Variants in TUBAL3 observed in about 807,000 individuals in gnomAD.
The protein encoded by TUBAL3 is tubulin alpha chain-like 3.
A neutral mutation model predicts 15.5 loss-of-function variants in TUBAL3; 16 were observed. The ratio of observed to expected loss-of-function variants is 1.04; its 90% confidence interval spans 0.70 to 1.57. TUBAL3 has a LOEUF of 1.57. Among genes scored for constraint, TUBAL3 ranks in the 40% most tolerant of loss-of-function variants. The pLI, the probability that TUBAL3 is intolerant of heterozygous loss-of-function variation, is 0.00. For missense variants in TUBAL3, 609 were observed against 576.2 expected (o/e 1.06, Z -0.58); for synonymous variants, 238 against 224.3 (o/e 1.06, Z -0.55).
In TUBAL3 at chr10:5,397,008, C is replaced by G. The variant is rs986789164; in HGVS notation, c.248-1533G>C. 6.6e-6 allele frequency among the ~76,000 whole-genome samples: 1 copy of G among 152,124 alleles called. No homozygotes were observed. The highest frequency in any genetic ancestry group is 1.5e-5 in the Non-Finnish European group (1 of 68,022). On this transcript the variant is annotated intron_variant, in intron 2 of 3. Transcript: ENST00000380419. This position sits in a 1 kb window ranked among gnomAD's most constrained non-coding sequence, Gnocchi z 4.9. ...CAAGATCTACCCCATTGAGCTGTTA[C>G]GAGAACATAGGGCACAACGCACGGC... is the stretch of plus-strand genomic sequence containing the variant.
In TUBAL3 at chr10:5,395,679, G is replaced by C. The variant is rs1396613780; in HGVS notation, c.248-204C>G. On this transcript the variant is annotated intron_variant, in intron 2 of 3. Transcript: ENST00000380419. This position sits in a 1 kb window ranked among gnomAD's most constrained non-coding sequence, Gnocchi z 4.6. ...TTTTTTACATATACATGGAAAGTAT[G>C]TTTTTCTACCATGCACCCCTTATTA... 6.6e-6 allele frequency among the ~76,000 whole-genome samples: 1 copy of C among 152,174 alleles called. No individual in the cohort carries two copies. The highest frequency in any genetic ancestry group is 1.9e-4 in the East Asian group (1 of 5,200).
chr10:5,404,089 A>T (rs1312899917), intron 1 of TUBAL3, among the ~76,000 whole-genome samples: 1 of 152,234 alleles, frequency 6.6e-6, no homozygotes, highest in Admixed American at 6.5e-5. Context: ...TCATGTTGAA[A>T]GGCATAATTT....
In TUBAL3 at chr10:5,394,280, T is replaced by A; in HGVS notation, c.578A>T (p.Asn193Ile). 1 of 1,613,990 alleles carries A rather than the reference T, an allele frequency of 6.2e-7. No individual in the cohort carries two copies. The highest frequency in any genetic ancestry group is 1.3e-5 in the African/African-American group (1 of 74,958). ...GGTGGAGTGGGTGGTGAGGACAGAG[T>A]TATAAGGCTCTACCACAGCAGTGGA... Reference protein sequence around the residue: ...RISTAVVEPYNSVLTTHSTTE... With the variant: ...RISTAVVEPYISVLTTHSTTE... Residue 193 changes from asparagine to isoleucine, a missense_variant, in exon 4 of 4, where the codon AAC (asparagine) becomes ATC (isoleucine). Coordinates refer to ENST00000380419, the MANE Select transcript of TUBAL3 (RefSeq NM_024803.3). This position sits in a 1 kb window ranked among gnomAD's most constrained non-coding sequence, Gnocchi z 4.3.
chr10:5,393,894 A>C lies in TUBAL3; in HGVS notation c.964T>G (p.Cys322Gly), dbSNP rs782762172. ...ACATCCCCTCTATAGAGTAGGCAGC[A>C]GGCCATGTACTTCCCAAGCCGAGGA... ...CDPRLGKYMA[C>G]CLLYRGDVVP... Residue 322 changes from cysteine (C) to glycine (G), a missense_variant, in exon 4 of 4, where the codon TGC becomes GGC. Cys to Gly is a radical substitution (Grantham distance 159). Coordinates refer to ENST00000380419, the MANE Select transcript of TUBAL3 (RefSeq NM_024803.3). 28 of 1,614,150 alleles carry C rather than the reference A, an allele frequency of 1.7e-5. No individual in the cohort carries two copies. The highest frequency in any genetic ancestry group is 2.0e-5 in the Non-Finnish European group (24 of 1,180,062).
At position 5,393,404 on chromosome 10, in the gene TUBAL3, G is replaced by C. The variant is rs781842853; in HGVS notation, c.*113C>G. On this transcript the variant is annotated 3_prime_UTR_variant, in exon 4 of 4. Coordinates refer to ENST00000380419, the MANE Select transcript of TUBAL3 (RefSeq NM_024803.3). ...TAGTGTGGAACCTAGAGTCTTGCCT[G>C]ATTTGAGTTCATTTTTCTGCTCATC... is the stretch of plus-strand genomic sequence containing the variant. 3.3e-6 allele frequency: 3 copies of C among 909,284 alleles called. No homozygotes were observed. Among genetic ancestry groups the C allele is most frequent in the South Asian group, 3.5e-5 (2 of 56,946 alleles). 56.3% of individuals were successfully genotyped at this position (909,284 alleles called of 1,614,324 possible).
In TUBAL3 at chr10:5,393,769, G is replaced by T; in HGVS notation, c.1089C>A (p.Asn363Lys). The T allele has an allele frequency of 1.2e-6, 2 of 1,614,232 alleles. No individual in the cohort carries two copies. Among genetic ancestry groups the T allele is most frequent in the Non-Finnish European group, 1.7e-6 (2 of 1,180,042 alleles). The stretch of plus-strand genomic sequence containing the variant: ...CCGGCATCACCGTGGGCGGCCGATT[G>T]TTGATGCCCACCTTGAAACCAGTTG... ...WCPTGFKVGI[N>K]NRPPTVMPGG... Residue 363 changes from asparagine to lysine, a missense_variant, in exon 4 of 4, where the codon AAC becomes AAA. Transcript: ENST00000380419.
chr10:5,398,451 T>C (rs1831799293), intron 2 of TUBAL3, among the ~76,000 whole-genome samples: 1 of 139,666 alleles, frequency 7.2e-6, no homozygotes, highest in South Asian at 2.3e-4. Flanking sequence ...AAAAAAAACT[T>C]ATCCACATGT....
Position 5,400,955 on chromosome 10 carries a change from T to C in TUBAL3, c.136A>G (p.Asn46Asp). The change falls in exon 2 of 4, where the codon AAT (asparagine) becomes GAT (aspartate). Residue 46 changes from asparagine (N) to aspartate (D), a missense_variant. Physicochemically the swap from Asn to Asp is conservative, Grantham distance 23. Coordinates refer to ENST00000380419, the MANE Select transcript of TUBAL3 (RefSeq NM_024803.3). ...VLDTQQDQLE[N>D]AKMEHTNASF... Reference sequence around the variant, plus strand: ...GCATTTGTGTGCTCCATTTTTGCATTTTCCAGCTGATCCTGTTGAGTGTCA... The same window carrying C: ...GCATTTGTGTGCTCCATTTTTGCATCTTCCAGCTGATCCTGTTGAGTGTCA... 6.2e-7 allele frequency: 1 copy of C among 1,614,248 alleles called. No individual in the cohort carries two copies. The highest frequency in any genetic ancestry group is 8.5e-7 in the Non-Finnish European group (1 of 1,180,044).
chr10:5,402,197 T>A (rs1382381201), intron 1 of TUBAL3, among the ~76,000 whole-genome samples: 1 of 152,204 alleles, frequency 6.6e-6, no homozygotes, highest in Non-Finnish European at 1.5e-5. Context: ...TCCACCTTCA[T>A]ATTCCCCCAT....
rs1209517792 is a variant in TUBAL3 at position 5,394,315 on chromosome 10, G to A, written c.543C>T (p.Ala181=). ...KTKLEFSVYP[A]PRISTAVVEP... The stretch of plus-strand genomic sequence containing the variant: ...CTACCACAGCAGTGGAGATCCTGGG[G>A]GCTGGGTAGACCGAGAACTCCAGCT... Residue 181 remains alanine (A), a synonymous_variant, in exon 4 of 4, where the codon GCC becomes GCT. Transcript: ENST00000380419. This position sits in a 1 kb window ranked among gnomAD's most constrained non-coding sequence, Gnocchi z 4.3. 19 of 1,614,152 alleles carry A rather than the reference G, an allele frequency of 1.2e-5. No homozygotes were observed. The African/African-American group carries it at 1.7e-4, about 15-fold the overall frequency.
At chr10:5,402,944 G>A (rs1356878305) in intron 1 of TUBAL3, among the ~76,000 whole-genome samples, 1 of 152,236 alleles carries the variant, frequency 6.6e-6, no homozygotes, top group Non-Finnish European at 1.5e-5. Flanking sequence ...CCACTAGTCA[G>A]AGGAAAGTAA....
intron 2 of TUBAL3, among the ~76,000 whole-genome samples, chr10:5,398,506 G>A (rs1554814350): frequency 6.6e-6 from 1 of 151,884 alleles, no homozygotes; most frequent in African/African-American, 2.4e-5. Context: ...CCCCAAAGTG[G>A]GAAGACTGCT....
Position 5,394,183 on chromosome 10 carries a change from A to ACCT in TUBAL3, c.674_675insAGG (p.Gly225dup). 6.2e-7 allele frequency: 1 copy of ACCT among 1,614,166 alleles called. No homozygotes were observed. Among genetic ancestry groups the ACCT allele is most frequent in the Non-Finnish European group, 8.5e-7 (1 of 1,180,022 alleles). Reference sequence around the variant, plus strand: ...TGCTGGCATGAGAGGGGCATTCAACACCGAGTTTACGATGGCATATATCAT... The same window carrying ACCT: ...TGCTGGCATGAGAGGGGCATTCAACACCTCCGAGTTTACGATGGCATATATCAT... On this transcript the variant is annotated inframe_insertion, in exon 4 of 4. Coordinates refer to ENST00000380419, the MANE Select transcript of TUBAL3 (RefSeq NM_024803.3). The surrounding 1 kb of genome is among the most constrained non-coding windows in gnomAD (Gnocchi z 4.3).
rs184716850 is a variant in TUBAL3 at position 5,395,516 on chromosome 10, C to T, written c.248-41G>A. On this transcript the variant is annotated intron_variant, in intron 2 of 3. Transcript: ENST00000380419. This position sits in a 1 kb window ranked among gnomAD's most constrained non-coding sequence, Gnocchi z 4.6. Reference sequence around the variant, plus strand: ...GGAGGTCAGTGCAACTCACCCAGTGCAATTCAGCCGTCCACCTGCTGCTAG... The same window carrying T: ...GGAGGTCAGTGCAACTCACCCAGTGTAATTCAGCCGTCCACCTGCTGCTAG... 1,320 of 1,390,206 alleles carry T rather than the reference C, an allele frequency of 9.5e-4. 7 individuals carry two copies. In the Middle Eastern group the frequency reaches 0.015, roughly 16 times the overall value. The allele number at this position is 1,390,206 out of a possible 1,614,324, so 86.1% of individuals were successfully genotyped here.
In TUBAL3 at chr10:5,397,769, A is replaced by T. The variant is rs1554814294; in HGVS notation, c.248-2294T>A. Among the ~76,000 whole-genome samples, 1 of 151,682 alleles carries T rather than the reference A, an allele frequency of 6.6e-6. No individual in the cohort carries two copies. Among genetic ancestry groups the T allele is most frequent in the Non-Finnish European group, 1.5e-5 (1 of 67,920 alleles). ...TCCACTTCAATCATCATCACTCAGA[A>T]CTCTCCCACTTCCAAAATCTTAAAC... On this transcript the variant is annotated intron_variant, in intron 2 of 3. Transcript: ENST00000380419. The surrounding 1 kb of genome is among the most constrained non-coding windows in gnomAD (Gnocchi z 4.9).
chr10:5,404,083 G>A (rs782232170), intron 1 of TUBAL3, among the ~76,000 whole-genome samples: 1 of 152,176 alleles, frequency 6.6e-6, no homozygotes, highest in Non-Finnish European at 1.5e-5. Context: ...TCTCTCTCAT[G>A]TTGAAAGGCA....
At chr10:5,401,187 C>G (rs1387703186) in intron 1 of TUBAL3, 100 bp from the exon 2 acceptor site, 1 of 1,438,456 alleles carries the variant, frequency 7.0e-7, no homozygotes, top group African/African-American at 1.4e-5. Flanking sequence ...ACCAAGCTAG[C>G]TTAAGGCCAC....
At chr10:5,400,414 T>C (rs1270785325) in intron 2 of TUBAL3, among the ~76,000 whole-genome samples, 4 of 152,122 alleles carry the variant, frequency 2.6e-5, no homozygotes, top group Admixed American at 2.6e-4. Context: ...GGTGGGTCAC[T>C]TGAGGTCGGG....
At chr10:5,404,332 C>T (rs1564453425) in intron 1 of TUBAL3, among the ~76,000 whole-genome samples, 1 of 152,154 alleles carries the variant, frequency 6.6e-6, no homozygotes, top group Non-Finnish European at 1.5e-5. Flanking sequence ...AAGAACTAAA[C>T]TCAAGGGAGG....
Sources: gnomAD v4.1 joint callset for allele counts (sites outside exome capture counted in the v4.1 genomes callset) on GRCh38, gnomAD v4.1.1 for gene constraint, Gnocchi (gnomAD v3.1) non-coding constraint, MANE v1.5 for transcripts, NCBI Gene and HGNC (gene_info 2026-07-23, HGNC 2026-07-21) for gene names.